OR8G5: variants seen among roughly 807,000 people sequenced by gnomAD.
OR8G5 encodes olfactory receptor 8G5.
For missense variants in OR8G5, 347 were observed against 371.9 expected (o/e 0.93, Z 0.55); for synonymous variants, 147 against 147.7 (o/e 1.00, Z 0.03).
intron 1 of OR8G5, among the ~76,000 whole-genome samples, chr11:124,259,537 C>T (rs1327835788): frequency 7.0e-6 from 1 of 143,336 alleles, no homozygotes; most frequent in Admixed American, 7.4e-5. Flanking sequence ...TAGAAGCAGA[C>T]ACTGTTGGAA....
chr11:124,265,888 AT>A lies in OR8G5; in HGVS notation c.*23del, dbSNP rs764624540. ...TATGAACAGAAGTACAATGAAAAAGATTGCATTAGATCTAAGTTTTTGGCTA... is the reference window on the plus strand; with the variant it reads ...TATGAACAGAAGTACAATGAAAAAGATGCATTAGATCTAAGTTTTTGGCTA... On this transcript the variant is annotated 3_prime_UTR_variant, in exon 2 of 2. Transcript: ENST00000641992. 1.2e-5 allele frequency: 19 copies of A among 1,573,256 alleles called. No homozygotes were observed. The East Asian group carries it at 3.8e-4, about 32-fold the overall frequency.
chr11:124,266,094 T>C lies in OR8G5; in HGVS notation c.*227T>C. On this transcript the variant is annotated 3_prime_UTR_variant, in exon 2 of 2. Coordinates refer to ENST00000641992, the MANE Select transcript of OR8G5 (RefSeq NM_001005198.2). ...TATTTTCTTAGAAGAAATAATAAGA[T>C]TGACATAGTGAAATAGTGGCATAAC... 2.0e-6 allele frequency: 1 copy of C among 501,898 alleles called. No individual in the cohort carries two copies. The highest frequency in any genetic ancestry group is 3.4e-6 in the Non-Finnish European group (1 of 295,644). The allele number at this position is 501,898 out of a possible 1,614,324, so 31.1% of individuals were successfully genotyped here.
chr11:124,264,979 G>A lies in OR8G5; in HGVS notation c.48G>A (p.Gly16=). The part of the protein sequence containing the change: ...HSFVTKFILV[G]LTEKSELQLP... Reference sequence around the variant, plus strand: ...TTGTGACTAAGTTTATTCTGGTTGGGCTAACAGAGAAGTCAGAGCTACAGC... The same window carrying A: ...TTGTGACTAAGTTTATTCTGGTTGGACTAACAGAGAAGTCAGAGCTACAGC... Residue 16 remains glycine (G), a synonymous_variant, in exon 2 of 2, where the codon GGG becomes GGA. Coordinates refer to ENST00000641992, the MANE Select transcript of OR8G5 (RefSeq NM_001005198.2). 1 of 1,613,862 alleles carries A rather than the reference G, an allele frequency of 6.2e-7. No individual in the cohort carries two copies. The highest frequency in any genetic ancestry group is 8.5e-7 in the Non-Finnish European group (1 of 1,179,838).
intron 1 of OR8G5, among the ~76,000 whole-genome samples, chr11:124,261,192 C>G (rs908935919): frequency 1.1e-4 from 17 of 150,126 alleles, no homozygotes; most frequent in Non-Finnish European, 2.4e-4. Context: ...ATCCATCCAT[C>G]CATCCACTGA....
At chr11:124,264,799 A>G (rs1474288455) in intron 1 of OR8G5, 119 bp from the exon 2 acceptor site, 2 of 1,260,010 alleles carry the variant, frequency 1.6e-6, no homozygotes, top group Admixed American at 2.0e-5. Flanking sequence ...GGGATAAATT[A>G]TGATTCAGTT....
chr11:124,265,588 C>G lies in OR8G5; in HGVS notation c.657C>G (p.Ile219Met). 6.2e-7 allele frequency: 1 copy of G among 1,613,886 alleles called. No individual in the cohort carries two copies. The highest frequency in any genetic ancestry group is 8.5e-7 in the Non-Finnish European group (1 of 1,179,840). The change falls in exon 2 of 2, where the codon ATC becomes ATG. Residue 219 changes from isoleucine to methionine, a missense_variant. By Grantham distance (10) the Ile-to-Met change is conservative. Coordinates refer to ENST00000641992, the MANE Select transcript of OR8G5 (RefSeq NM_001005198.2). ...VPSLTILSSY[I>M]FIIASILRIR... ...GCCTGACCATCCTCAGCTCTTACATCTTCATCATTGCCAGCATCCTCCGCA... is the reference window on the plus strand; with the variant it reads ...GCCTGACCATCCTCAGCTCTTACATGTTCATCATTGCCAGCATCCTCCGCA...
chr11:124,256,941 T>C (rs1035174503), intron 1 of OR8G5, among the ~76,000 whole-genome samples: 5 of 152,176 alleles, frequency 3.3e-5, no homozygotes, highest in Non-Finnish European at 5.9e-5. Flanking sequence ...AATTGGAGAA[T>C]GGTTCTATGA....
chr11:124,263,741 G>T (rs117357055), intron 1 of OR8G5, among the ~76,000 whole-genome samples: 5 of 151,694 alleles, frequency 3.3e-5, no homozygotes, highest in African/African-American at 9.7e-5. Flanking sequence ...TTAGTTTTAT[G>T]CTCAGGTCTG....
At chr11:124,261,932 A>G (rs1386585652) in intron 1 of OR8G5, among the ~76,000 whole-genome samples, 3 of 151,884 alleles carry the variant, frequency 2.0e-5, no homozygotes, top group Non-Finnish European at 4.4e-5. Context: ...CACAAATATA[A>G]AAAAGAAATT....
intron 1 of OR8G5, 142 bp from the exon 2 acceptor site, chr11:124,264,776 T>C: frequency 5.0e-6 from 5 of 994,902 alleles, no homozygotes; most frequent in South Asian, 4.9e-5. Context: ...TAAAGATTAC[T>C]ACATGCTAAA....
In OR8G5 at chr11:124,265,876, A is replaced by G; in HGVS notation, c.*9A>G. The stretch of plus-strand genomic sequence containing the variant: ...AAAGAACATTCTTATGAACAGAAGT[A>G]CAATGAAAAAGATTGCATTAGATCT... On this transcript the variant is annotated 3_prime_UTR_variant, in exon 2 of 2. Transcript: ENST00000641992. 1 of 1,591,418 alleles carries G rather than the reference A, an allele frequency of 6.3e-7. No homozygotes were observed. Among genetic ancestry groups the G allele is most frequent in the Non-Finnish European group, 8.6e-7 (1 of 1,168,284 alleles).
At chr11:124,263,715 T>A (rs374080368) in intron 1 of OR8G5, among the ~76,000 whole-genome samples, 1 of 117,004 alleles carries the variant, frequency 8.5e-6, no homozygotes, top group African/African-American at 2.7e-5. Flanking sequence ...CAGTTGTTTT[T>A]CCAGAAGTTT....
intron 1 of OR8G5, among the ~76,000 whole-genome samples, chr11:124,263,876 A>G (rs1037117125): frequency 1.3e-5 from 2 of 152,130 alleles, no homozygotes; most frequent in African/African-American, 2.4e-5. Flanking sequence ...TGGAATAGCT[A>G]CATCATCTAT....
intron 1 of OR8G5, among the ~76,000 whole-genome samples, chr11:124,261,001 A>G (rs1272036037): frequency 4.2e-5 from 4 of 94,522 alleles, no homozygotes; most frequent in African/African-American, 1.1e-4. Context: ...TCCAGCCACC[A>G]GTGACTGTCA....
At position 124,265,057 on chromosome 11, in the gene OR8G5, C is replaced by T; in HGVS notation, c.126C>T (p.Asn42=). The change falls in exon 2 of 2, where the codon AAC becomes AAT. Residue 42 remains asparagine, a synonymous_variant. Transcript: ENST00000641992. Reference sequence around the variant, plus strand: ...TCTATGTAGTCACAGTGCTGGGGAACCTGGGCATGATCACACTGATTGGGC... The same window carrying T: ...TCTATGTAGTCACAGTGCTGGGGAATCTGGGCATGATCACACTGATTGGGC... ...LGIYVVTVLG[N]LGMITLIGLS... is the part of the protein sequence containing the mutation. The T allele has an allele frequency of 1.2e-6, 2 of 1,614,132 alleles. No homozygotes were observed. The highest frequency in any genetic ancestry group is 2.2e-5 in the South Asian group (2 of 91,070).
At chr11:124,262,190 A>G (rs879412969) in intron 1 of OR8G5, among the ~76,000 whole-genome samples, 4 of 151,570 alleles carry the variant, frequency 2.6e-5, no homozygotes, top group South Asian at 4.1e-4. Flanking sequence ...GTTAAAATCA[A>G]CAGAGTAAAA....
intron 1 of OR8G5, among the ~76,000 whole-genome samples, chr11:124,262,476 A>G (rs1458327779): frequency 1.5e-5 from 2 of 135,848 alleles, no homozygotes; most frequent in East Asian, 4.5e-4. Flanking sequence ...AATTCATTCC[A>G]TTACTGAAAT....
chr11:124,258,454 A>T (rs1385887753), intron 1 of OR8G5, among the ~76,000 whole-genome samples: 1 of 152,036 alleles, frequency 6.6e-6, no homozygotes, highest in Admixed American at 6.6e-5. Context: ...GCTACTCAGG[A>T]GGCTGAGGCA....
chr11:124,264,791 G>C lies in OR8G5; in HGVS notation c.-14-127G>C, dbSNP rs762543683. 11 of 1,180,950 alleles carry C rather than the reference G, an allele frequency of 9.3e-6. No individual in the cohort carries two copies. The South Asian group carries it at 1.6e-4, about 17-fold the overall frequency. The allele number at this position is 1,180,950 out of a possible 1,614,324, so 73.2% of individuals were successfully genotyped here. On this transcript the variant is annotated intron_variant, in intron 1 of 1. Coordinates refer to ENST00000641992, the MANE Select transcript of OR8G5 (RefSeq NM_001005198.2). ...TAAAGATTACTACATGCTAAATTGGGATAAATTATGATTCAGTTAATTGAA... is the reference window on the plus strand; with the variant it reads ...TAAAGATTACTACATGCTAAATTGGCATAAATTATGATTCAGTTAATTGAA...
Sources: allele counts gnomAD v4.1 joint callset (sites outside exome capture counted in the v4.1 genomes callset), GRCh38; gene constraint gnomAD v4.1.1; transcripts MANE v1.5; gene names NCBI Gene and HGNC (gene_info 2026-07-23, HGNC 2026-07-21).